Variants in LUC7L observed in about 807,000 individuals in gnomAD.
The protein encoded by LUC7L is LUC7 like.
Under a neutral mutation model 51.1 loss-of-function variants are expected in LUC7L, and 29 were observed. The ratio of observed to expected loss-of-function variants is 0.57; its 90% CI spans 0.42 to 0.77. The LOEUF (loss-of-function observed/expected upper bound fraction) is 0.77. Ranked by LOEUF, LUC7L falls within the 30% of genes least tolerant of loss-of-function variation. The probability of loss-of-function intolerance (pLI) is 0.00; values close to 1 mark genes in which losing one functional copy is unlikely to be tolerated. For synonymous variants in LUC7L, 181 were observed against 180.7 expected, an observed-to-expected ratio of 1.00 and a Z score of -0.01; for missense variants, 403 against 511.9, an observed-to-expected ratio of 0.79 and a Z score of 2.05.
intron 2 of LUC7L, among the ~76,000 whole-genome samples, chr16:225,314 C>T (rs1186591534): frequency 6.6e-6 from 1 of 151,682 alleles, no homozygotes; most frequent in African/African-American, 2.4e-5. Flanking sequence ...GGTGAAACCC[C>T]GTCTCTACTG....
intron 6 of LUC7L, among the ~76,000 whole-genome samples, chr16:198,637 A>T (rs1051888311): frequency 6.6e-6 from 1 of 152,120 alleles, no homozygotes; most frequent in Non-Finnish European, 1.5e-5. Context: ...AAGTGATGAA[A>T]TCTGCGTATT....
chr16:222,841 G>A (rs1004098825), intron 2 of LUC7L, among the ~76,000 whole-genome samples: 1 of 150,644 alleles, frequency 6.6e-6, no homozygotes, highest in African/African-American at 2.4e-5. Context: ...TGTTGGTCAG[G>A]CTGGTCTCGA....
intron 1 of LUC7L, chr16:228,584 A>G: frequency 8.4e-7 from 1 of 1,190,154 alleles, no homozygotes; most frequent in African/African-American, 1.6e-5. Flanking sequence ...CAACTTCATT[A>G]CTCAGCAGAA....
intron 5 of LUC7L, among the ~76,000 whole-genome samples, chr16:199,792 C>G (rs1026629530): frequency 1.3e-5 from 2 of 148,592 alleles, no homozygotes; most frequent in Non-Finnish European, 3.0e-5. Context: ...GAGATCGAGA[C>G]CATCCTGGCC....
At position 220,660 on chromosome 16, in the gene LUC7L, A is replaced by C; in HGVS notation, c.244T>G (p.Phe82Val). Reference sequence around the variant, plus strand: ...TAAATAAAACTTACATCTAATTCAAAAAACAGGTCTCTTTCTTTACTTGCA... The same window carrying C: ...TAAATAAAACTTACATCTAATTCAACAAACAGGTCTCTTTCTTTACTTGCA... ...EIASKERDLFFELDAMDHLES... is the reference protein window; with the variant it reads ...EIASKERDLFVELDAMDHLES... Residue 82 changes from phenylalanine (F) to valine (V), a missense_variant, in exon 3 of 10, where the codon TTT becomes GTT. Around this residue, in one of 3 missense-constraint regions of LUC7L, gnomAD observed 182 missense variants for 248.4 expected, o/e 0.73. Coordinates refer to ENST00000293872, the MANE Select transcript of LUC7L (RefSeq NM_201412.3). 6.2e-7 allele frequency: 1 copy of C among 1,612,174 alleles called. No homozygotes were observed. Among genetic ancestry groups the C allele is most frequent in the Non-Finnish European group, 8.5e-7 (1 of 1,178,736 alleles).
Position 190,153 on chromosome 16 carries a change from T to C in LUC7L, c.807-18A>G. On this transcript the variant is annotated intron_variant, in intron 8 of 9. Transcript: ENST00000293872. The stretch of plus-strand genomic sequence containing the variant: ...AGCGTGACCTGAACAATCAGAAGGC[T>C]CCAAGGCTGAGACTCTATAGGTGCC... The C allele has an allele frequency of 6.2e-7, 1 of 1,604,044 alleles. No homozygotes were observed. Among genetic ancestry groups the C allele is most frequent in the Non-Finnish European group, 8.5e-7 (1 of 1,176,684 alleles).
At chr16:208,732 C>G in intron 3 of LUC7L, 1 of 646,678 alleles carries the variant, frequency 1.5e-6, no homozygotes, top group South Asian at 6.9e-5. Flanking sequence ...TGCCTACTAT[C>G]TAAAGTAGCA....
rs902326057 is a variant in LUC7L at position 189,047 on chromosome 16, G to A, written c.*151C>T. 1.1e-5 allele frequency: 9 copies of A among 839,062 alleles called. No individual in the cohort carries two copies. Among genetic ancestry groups the A allele is most frequent in the African/African-American group, 1.0e-4 (6 of 59,304 alleles). The allele number at this position is 839,062 out of a possible 1,614,324, so 52.0% of individuals were successfully genotyped here. A position where few individuals can be genotyped will look rare whatever the true frequency, so the allele number is the denominator to read the frequency against. On this transcript the variant is annotated 3_prime_UTR_variant, in exon 10 of 10. Coordinates refer to ENST00000293872, the MANE Select transcript of LUC7L (RefSeq NM_201412.3). Reference sequence around the variant, plus strand: ...CTCAACATGACCCGGGAACACAGGAGCAACTCTGTACACTTCTAGAAACTC... The same window carrying A: ...CTCAACATGACCCGGGAACACAGGAACAACTCTGTACACTTCTAGAAACTC...
chr16:198,609 T>TA (rs2049229316), intron 6 of LUC7L, among the ~76,000 whole-genome samples: 1 of 152,200 alleles, frequency 6.6e-6, no homozygotes, highest in Non-Finnish European at 1.5e-5. Flanking sequence ...TGAGCTATCA[T>TA]GTCTCTTGTG....
chr16:201,047 G>A (rs966164359), intron 5 of LUC7L, among the ~76,000 whole-genome samples: 26 of 151,466 alleles, frequency 1.7e-4, no homozygotes, highest in Admixed American at 3.3e-4. Context: ...GCTGGCACCT[G>A]TAATCCCAGC....
chr16:190,420 G>T, intron 8 of LUC7L, 121 bp downstream of exon 8: 2 of 1,077,218 alleles, frequency 1.9e-6, no homozygotes, highest in Admixed American at 1.8e-5. Flanking sequence ...CTTGCCCTGT[G>T]CCCTTCACAA....
chr16:192,218 C>A (rs984471449), intron 7 of LUC7L, among the ~76,000 whole-genome samples: 4 of 152,128 alleles, frequency 2.6e-5, no homozygotes, highest in African/African-American at 9.7e-5. Context: ...ACTCCTTGCA[C>A]CCCTTACCTG....
chr16:227,803 A>G, intron 1 of LUC7L: 2 of 999,768 alleles, frequency 2.0e-6, no homozygotes, highest in Non-Finnish European at 2.4e-6. Context: ...TGAAGAAGAA[A>G]GCTTTCAAAC....
intron 4 of LUC7L, among the ~76,000 whole-genome samples, chr16:207,535 T>G (rs186608130): frequency 6.6e-6 from 1 of 151,982 alleles, no homozygotes; most frequent in Non-Finnish European, 1.5e-5. Flanking sequence ...TATATTAAAA[T>G]TAAAAAATAA....
intron 3 of LUC7L, among the ~76,000 whole-genome samples, chr16:214,298 G>C (rs112071762): frequency 0.045 from 6,907 of 151,850 alleles, 223 homozygotes; most frequent in Non-Finnish European, 0.068. Context: ...CTGACCTCAT[G>C]ATCCACCCAC....
At chr16:195,816 A>G (rs1034762091) in intron 6 of LUC7L, among the ~76,000 whole-genome samples, 92 of 151,744 alleles carry the variant, frequency 6.1e-4, no homozygotes, top group African/African-American at 2.2e-3. Context: ...GAAGGTGGAT[A>G]CCTCTGGGAC....
At chr16:203,930 C>T (rs1278858819) in intron 5 of LUC7L, among the ~76,000 whole-genome samples, 3 of 151,264 alleles carry the variant, frequency 2.0e-5, no homozygotes, top group East Asian at 2.0e-4. Context: ...GCAGGAGAAT[C>T]GCTTGAGCCC....
At chr16:210,878 C>A (rs1430692496) in intron 3 of LUC7L, among the ~76,000 whole-genome samples, 2 of 150,450 alleles carry the variant, frequency 1.3e-5, no homozygotes, top group South Asian at 2.1e-4. Context: ...AGTGAAACCC[C>A]GTCTCTACTA....
chr16:190,449 G>C, intron 8 of LUC7L, 92 bp downstream of exon 8: 2 of 1,350,516 alleles, frequency 1.5e-6, no homozygotes, highest in Non-Finnish European at 2.1e-6. Context: ...TACCTGCCAG[G>C]TAACATTTGT....
Sources: gnomAD v4.1 joint callset for allele counts (sites outside exome capture counted in the v4.1 genomes callset) on GRCh38, gnomAD v4.1.1 for gene constraint, gnomAD v4.1.1 regional missense constraint, MANE v1.5 for transcripts, NCBI Gene and HGNC (gene_info 2026-07-23, HGNC 2026-07-21) for gene names.